The following PDE4D variants were observed in gnomAD, a reference collection of about 807,000 sequenced individuals.
PDE4D encodes the protein 3',5'-cyclic-AMP phosphodiesterase 4D.
Under a neutral mutation model 87.4 loss-of-function variants are expected in PDE4D, and 24 were observed. The ratio of observed to expected loss-of-function variants is 0.27; its 90% CI spans 0.20 to 0.39. The LOEUF is 0.39. Among genes scored for constraint, PDE4D ranks in the 10% least tolerant of loss-of-function variants. The pLI, the probability that PDE4D is intolerant of heterozygous loss-of-function variation, is 1.00. For missense variants in PDE4D, 714 were observed against 1,041.0 expected, an observed-to-expected ratio of 0.69 and a Z score of 4.32; for synonymous variants, 384 against 383.2, an observed-to-expected ratio of 1.00 and a Z score of -0.02.
chr5:59,596,747 A>G (rs1392318389), intron 1 of PDE4D, among the ~76,000 whole-genome samples: 1 of 152,138 alleles, frequency 6.6e-6, no homozygotes, highest in Non-Finnish European at 1.5e-5. Flanking sequence ...AATAAGCATG[A>G]TAACTTGACT....
intron 1 of PDE4D, among the ~76,000 whole-genome samples, chr5:60,329,029 G>A (rs1447664237): frequency 6.6e-6 from 1 of 152,058 alleles, no homozygotes; most frequent in Non-Finnish European, 1.5e-5. Flanking sequence ...TTTCACAGTC[G>A]TCTCTCTTTG....
intron 2 of PDE4D, among the ~76,000 whole-genome samples, chr5:60,132,754 G>T (rs930442945): frequency 6.6e-6 from 1 of 152,072 alleles, no homozygotes; most frequent in African/African-American, 2.4e-5. Flanking sequence ...CAAGTAGGGA[G>T]GCTGAGGCAG....
chr5:59,984,025 C>A (rs1470107780), intron 3 of PDE4D, among the ~76,000 whole-genome samples: 1 of 147,190 alleles, frequency 6.8e-6, no homozygotes, highest in Non-Finnish European at 1.5e-5. Flanking sequence ...CTGAGATATA[C>A]ACAAACATGG....
chr5:59,664,177 C>T (rs1337549936), intron 1 of PDE4D, among the ~76,000 whole-genome samples: 2 of 152,160 alleles, frequency 1.3e-5, no homozygotes, highest in African/African-American at 4.8e-5. Flanking sequence ...TGTAGAACTT[C>T]ATACATGCTT....
chr5:60,006,514 G>T (rs1381908702), intron 2 of PDE4D, among the ~76,000 whole-genome samples: 1 of 151,884 alleles, frequency 6.6e-6, no homozygotes, highest in Admixed American at 6.6e-5. Context: ...TCTAAAACTA[G>T]GGTTAAGCAA....
chr5:59,557,801 T>C (rs529430839), intron 1 of PDE4D, among the ~76,000 whole-genome samples: 3 of 152,120 alleles, frequency 2.0e-5, no homozygotes, highest in African/African-American at 2.4e-5. Context: ...CCTATATTTG[T>C]AAGTGAAGTC....
chr5:59,559,852 G>A (rs188827576), intron 1 of PDE4D, among the ~76,000 whole-genome samples: 6 of 152,220 alleles, frequency 3.9e-5, no homozygotes, highest in South Asian at 2.1e-4. Flanking sequence ...GGCTAAGTAC[G>A]TTCACAAAAT....
chr5:59,354,955 T>C lies in PDE4D; in HGVS notation c.456-138987A>G, dbSNP rs547666063. On this transcript the variant is annotated intron_variant, in intron 1 of 14. Transcript: ENST00000340635. ...AAAAATTAATTATTCTGTGGGAAAT[T>C]GTATATTCAAATTAAGAGGAAGTAA... Among the ~76,000 whole-genome samples the C allele has an allele frequency of 2.2e-3, 333 of 152,308 alleles. 1 individual carries two copies. Among genetic ancestry groups the C allele is most frequent in the Admixed American group, 3.9e-3 (59 of 15,292 alleles).
intron 1 of PDE4D, among the ~76,000 whole-genome samples, chr5:60,511,517 TTAATAA>T (rs150885033): frequency 0.084 from 12,340 of 147,714 alleles, 584 homozygotes; most frequent in Non-Finnish European, 0.096. Flanking sequence ...CTATAGAAAT[TTAATAA>T]TAATAATAAT....
rs1753506458 is a variant in PDE4D at position 59,706,982 on chromosome 5, CAT to C, written c.455+186184_455+186185del. On this transcript the variant is annotated intron_variant, in intron 1 of 14. Transcript: ENST00000340635. ...TTTCAAATGAAACCAGTAATACAGACATAGTGTCTGTAAGGTTTTATAGCAGA... is the reference window on the plus strand; with the variant it reads ...TTTCAAATGAAACCAGTAATACAGACAGTGTCTGTAAGGTTTTATAGCAGA... 2.0e-5 allele frequency among the ~76,000 whole-genome samples: 3 copies of C among 152,216 alleles called. No individual in the cohort carries two copies. In the South Asian group the frequency reaches 6.2e-4, roughly 32 times the overall value.
intron 6 of PDE4D, chr5:59,002,161 A>G (rs1750678228): frequency 2.3e-6 from 1 of 430,078 alleles, no homozygotes; most frequent in Non-Finnish European, 4.6e-6. Flanking sequence ...ATTTCCACAT[A>G]AAGTTGAGAC....
intron 3 of PDE4D, among the ~76,000 whole-genome samples, chr5:59,939,139 G>A (rs569487171): frequency 3.3e-5 from 5 of 152,320 alleles, no homozygotes; most frequent in African/African-American, 7.2e-5. Context: ...GAGGTAGGGC[G>A]GAGTATCCTG....
chr5:59,587,227 C>G (rs1329597452), intron 1 of PDE4D, among the ~76,000 whole-genome samples: 2 of 152,176 alleles, frequency 1.3e-5, no homozygotes, highest in African/African-American at 2.4e-5. Flanking sequence ...TTGTTATTAT[C>G]AAAACCATGT....
chr5:59,034,035 AAG>A (rs1758063580), intron 6 of PDE4D, among the ~76,000 whole-genome samples: 3 of 152,290 alleles, frequency 2.0e-5, no homozygotes, highest in Admixed American at 1.3e-4. Context: ...TTTTCAGTGA[AAG>A]AAAAATTTCC....
rs1291536137 is a variant in PDE4D, at chr5:59,755,063, T to C, written c.455+138105A>G. ...GTTTGAGGTTGTACAAAGATGGTGT[T>C]TGGCATAGCTGATGTGGCTTATTGA... On this transcript the variant is annotated intron_variant, in intron 1 of 14. Coordinates refer to ENST00000340635, the MANE Select transcript of PDE4D (RefSeq NM_001104631.2). Among the ~76,000 whole-genome samples, 8 of 152,156 alleles carry C rather than the reference T, an allele frequency of 5.3e-5. No homozygotes were observed. The East Asian group carries it at 1.5e-3, about 29-fold the overall frequency.
At chr5:59,724,558 G>A (rs1279851930) in intron 1 of PDE4D, among the ~76,000 whole-genome samples, 1 of 151,992 alleles carries the variant, frequency 6.6e-6, no homozygotes, top group African/African-American at 2.4e-5. Flanking sequence ...ACATGTTTTT[G>A]TTTATTTATA....
chr5:59,517,622 A>T (rs1811407087), intron 1 of PDE4D, among the ~76,000 whole-genome samples: 1 of 152,146 alleles, frequency 6.6e-6, no homozygotes, highest in Admixed American at 6.5e-5. Flanking sequence ...AACTTAACAG[A>T]GCCTCATTGA....
At chr5:59,294,906 G>A (rs1475254234) in intron 1 of PDE4D, among the ~76,000 whole-genome samples, 2 of 152,268 alleles carry the variant, frequency 1.3e-5, no homozygotes, top group East Asian at 3.9e-4. Context: ...ATAGAATTTT[G>A]TGACAGCCAT....
intron 2 of PDE4D, among the ~76,000 whole-genome samples, chr5:59,194,987 G>C (rs760283563): frequency 6.6e-6 from 1 of 152,152 alleles, no homozygotes; most frequent in Non-Finnish European, 1.5e-5. Context: ...GTTATCATAA[G>C]AGTGGGTTGT....
Sources: gnomAD v4.1 joint callset for allele counts (sites outside exome capture counted in the v4.1 genomes callset) on GRCh38, gnomAD v4.1.1 for gene constraint, MANE v1.5 for transcripts, NCBI Gene and HGNC (gene_info 2026-07-23, HGNC 2026-07-21) for gene names.